CDH4: variants seen among roughly 807,000 people sequenced by gnomAD.
The protein encoded by CDH4 is cadherin 4, also known as cadherin-4.
CDH4 carries 33 observed loss-of-function variants against 86.0 expected under a neutral mutation model. The observed-to-expected ratio is 0.38, with a 90% confidence interval of 0.29 to 0.51. The LOEUF is 0.51. CDH4 is among the 20% of genes least tolerant of loss of function. The pLI is 0.86. For synonymous variants in CDH4, 555 were observed against 549.4 expected (o/e 1.01, Z -0.14); for missense variants, 1,114 against 1,307.4 (o/e 0.85, Z 2.28).
At chr20:61,744,414 G>A (rs1028058743) in intron 3 of CDH4, among the ~76,000 whole-genome samples, 4 of 134,490 alleles carry the variant, frequency 3.0e-5, no homozygotes, top group African/African-American at 1.1e-4. Context: ...GAGGTGGAGG[G>A]AGAGAGAGAA....
At chr20:61,900,202 T>TG (rs1985324860) in intron 8 of CDH4, among the ~76,000 whole-genome samples, 1 of 152,198 alleles carries the variant, frequency 6.6e-6, no homozygotes, top group African/African-American at 2.4e-5. Flanking sequence ...GGCCAAGCCC[T>TG]GTGAGTCCCT....
At chr20:61,775,101 C>G (rs1050678558) in intron 4 of CDH4, among the ~76,000 whole-genome samples, 3 of 152,194 alleles carry the variant, frequency 2.0e-5, no homozygotes, top group Non-Finnish European at 2.9e-5. Flanking sequence ...AATTGCCACA[C>G]TGTTTATCCC....
Position 61,700,183 on chromosome 20 carries a change from G to A in CDH4, c.170-43380G>A, listed in dbSNP as rs148619363. Among the ~76,000 whole-genome samples the A allele has an allele frequency of 6.0e-3, 920 of 152,320 alleles. 12 individuals carry two copies. Among genetic ancestry groups the A allele is most frequent in the African/African-American group, 0.021 (870 of 41,560 alleles). On this transcript the variant is annotated intron_variant, in intron 2 of 15. Transcript: ENST00000614565. ...TTCACTCCAGCCGTGAGCTCTGCCT[G>A]CTCTTGCCTTCAAAGACTGATTCAC...
intron 2 of CDH4, among the ~76,000 whole-genome samples, chr20:61,361,400 G>A (rs551076152): frequency 6.6e-6 from 1 of 152,272 alleles, no homozygotes; most frequent in Admixed American, 6.5e-5. Flanking sequence ...GATGAGAGAA[G>A]CACTTGGCAA....
chr20:61,800,442 C>G (rs2146030904), intron 4 of CDH4, among the ~76,000 whole-genome samples: 1 of 152,364 alleles, frequency 6.6e-6, no homozygotes, highest in East Asian at 1.9e-4. Flanking sequence ...ATTTGCTGCA[C>G]TCTTACCTTA....
intron 2 of CDH4, among the ~76,000 whole-genome samples, chr20:61,706,430 A>G (rs2087830745): frequency 6.6e-6 from 1 of 152,202 alleles, no homozygotes. Context: ...TCTCTCAACA[A>G]TAACATGTGG....
intron 15 of CDH4, among the ~76,000 whole-genome samples, chr20:61,935,180 T>C (rs2055167930): frequency 6.6e-6 from 1 of 152,186 alleles, no homozygotes; most frequent in Non-Finnish European, 1.5e-5. Flanking sequence ...TGCTCGCCGA[T>C]GCCCACTGCA....
intron 2 of CDH4, among the ~76,000 whole-genome samples, chr20:61,511,803 T>C (rs2085782257): frequency 6.6e-6 from 1 of 152,198 alleles, no homozygotes; most frequent in African/African-American, 2.4e-5. Context: ...CCTTCCCATA[T>C]CTTGGTCCTC....
intron 2 of CDH4, among the ~76,000 whole-genome samples, chr20:61,662,765 G>A (rs1276805668): frequency 2.6e-5 from 4 of 152,198 alleles, no homozygotes; most frequent in Admixed American, 6.5e-5. Flanking sequence ...TCGGGATGGC[G>A]AGGGTACCTG....
At chr20:61,658,601 G>A (rs1250263331) in intron 2 of CDH4, among the ~76,000 whole-genome samples, 2 of 152,214 alleles carry the variant, frequency 1.3e-5, no homozygotes, top group Non-Finnish European at 1.5e-5. Context: ...ACACACCAGT[G>A]TGGCCCTGGG....
intron 2 of CDH4, among the ~76,000 whole-genome samples, chr20:61,620,482 T>A (rs908231748): frequency 6.6e-6 from 1 of 151,830 alleles, no homozygotes; most frequent in African/African-American, 2.4e-5. Context: ...GATAGATAGA[T>A]GGATGATGGA....
At chr20:61,653,591 G>T (rs2087151040) in intron 2 of CDH4, among the ~76,000 whole-genome samples, 1 of 143,904 alleles carries the variant, frequency 6.9e-6, no homozygotes, top group African/African-American at 2.5e-5. Context: ...TCCCGGACGG[G>T]GTGGCTGCCG....
At chr20:61,496,365 G>A (rs1307039959) in intron 2 of CDH4, among the ~76,000 whole-genome samples, 1 of 151,414 alleles carries the variant, frequency 6.6e-6, no homozygotes, top group Non-Finnish European at 1.5e-5. Context: ...TCACGCCACT[G>A]CACTCCAGCC....
chr20:61,540,199 G>A (rs775561035), intron 2 of CDH4, among the ~76,000 whole-genome samples: 7 of 152,146 alleles, frequency 4.6e-5, no homozygotes, highest in Admixed American at 1.3e-4. Context: ...GCACGGCAGC[G>A]TCGTCTTGAT....
chr20:61,428,999 A>G (rs2085229642), intron 2 of CDH4, among the ~76,000 whole-genome samples: 1 of 151,476 alleles, frequency 6.6e-6, no homozygotes, highest in Non-Finnish European at 1.5e-5. Flanking sequence ...TTATCTAACT[A>G]TATTGTATTA....
intron 2 of CDH4, among the ~76,000 whole-genome samples, chr20:61,477,009 CAG>C (rs1357488505): frequency 3.3e-5 from 5 of 152,226 alleles, no homozygotes; most frequent in African/African-American, 7.2e-5. Flanking sequence ...CAAAGGCAGA[CAG>C]GGGCTTCTGT....
At chr20:61,345,497 G>T (rs954953895) in intron 2 of CDH4, among the ~76,000 whole-genome samples, 2 of 152,242 alleles carry the variant, frequency 1.3e-5, no homozygotes, top group Non-Finnish European at 2.9e-5. Flanking sequence ...AAAGAAGTCC[G>T]TGAGGACAAG....
chr20:61,826,671 T>C (rs930528605), intron 4 of CDH4, among the ~76,000 whole-genome samples: 4 of 152,148 alleles, frequency 2.6e-5, no homozygotes, highest in African/African-American at 9.7e-5. Flanking sequence ...TGTTCTCGGG[T>C]GAATTAAGTA....
chr20:61,672,475 G>A (rs753326026), intron 2 of CDH4, among the ~76,000 whole-genome samples: 2 of 152,192 alleles, frequency 1.3e-5, no homozygotes, highest in Non-Finnish European at 2.9e-5. Context: ...GTGTGTATGT[G>A]TTGCACAAGA....
Sources: allele counts gnomAD v4.1 joint callset (sites outside exome capture counted in the v4.1 genomes callset), GRCh38; gene constraint gnomAD v4.1.1; transcripts MANE v1.5; gene names NCBI Gene and HGNC (gene_info 2026-07-23, HGNC 2026-07-21).